PKP4: variants seen among roughly 807,000 people sequenced by gnomAD.
PKP4 encodes the protein plakophilin-4.
A neutral mutation model predicts 145.1 loss-of-function variants in PKP4; 90 were observed. The ratio of observed to expected loss-of-function variants is 0.62; its 90% confidence interval spans 0.52 to 0.74. The LOEUF is 0.74. PKP4 is among the 30% of genes least tolerant of loss of function. The pLI, the probability that PKP4 is intolerant of heterozygous loss-of-function variation, is 0.00. For missense variants in PKP4, 1,340 were observed against 1,482.7 expected (o/e 0.90, Z 1.58); for synonymous variants, 563 against 577.2 (o/e 0.98, Z 0.35).
chr2:158,622,305 C>CA (rs1191186911), intron 6 of PKP4, among the ~76,000 whole-genome samples: 4 of 151,962 alleles, frequency 2.6e-5, no homozygotes, highest in African/African-American at 7.3e-5. Flanking sequence ...AACTTGATAG[C>CA]AAAAAATATA....
In PKP4 at chr2:158,499,154, G is replaced by A. The variant is rs1696189532; in HGVS notation, c.-5-34026G>A. Among the ~76,000 whole-genome samples, 9 of 152,230 alleles carry A rather than the reference G, an allele frequency of 5.9e-5. No individual in the cohort carries two copies. The South Asian group carries it at 1.9e-3, about 32-fold the overall frequency. On this transcript the variant is annotated intron_variant, in intron 1 of 21. Transcript: ENST00000389759. Reference sequence around the variant, plus strand: ...CAATCTGAGCAGTTTATTATACTATGGTGGTAAGGGGAAAGGCTTGGTGAA... The same window carrying A: ...CAATCTGAGCAGTTTATTATACTATAGTGGTAAGGGGAAAGGCTTGGTGAA...
At chr2:158,619,290 A>T (rs895823514) in intron 4 of PKP4, among the ~76,000 whole-genome samples, 2 of 152,236 alleles carry the variant, frequency 1.3e-5, no homozygotes, top group African/African-American at 4.8e-5. Context: ...TCATGTTTCA[A>T]CGTGTACCAG....
intron 3 of PKP4, among the ~76,000 whole-genome samples, chr2:158,595,140 C>G (rs1220479718): frequency 6.6e-6 from 1 of 152,134 alleles, no homozygotes; most frequent in Non-Finnish European, 1.5e-5. Flanking sequence ...CAATCCTTAC[C>G]TGACTAAGAG....
chr2:158,583,903 A>G (rs2048554821), intron 3 of PKP4, among the ~76,000 whole-genome samples: 1 of 152,006 alleles, frequency 6.6e-6, no homozygotes, highest in Admixed American at 6.6e-5. Context: ...TCGAGGGCAG[A>G]CTTTCAATAG....
In PKP4 at chr2:158,464,785, A is replaced by G. The variant is rs188921385; in HGVS notation, c.-6+7567A>G. ...CTGTACCCTGAGTTGAGTGGGAAACAGGGACTGTTTGATGAATTAAAGGTA... is the reference window on the plus strand; with the variant it reads ...CTGTACCCTGAGTTGAGTGGGAAACGGGGACTGTTTGATGAATTAAAGGTA... On this transcript the variant is annotated intron_variant, in intron 1 of 21. Coordinates refer to ENST00000389759, the MANE Select transcript of PKP4 (RefSeq NM_003628.6). 3.6e-3 allele frequency among the ~76,000 whole-genome samples: 556 copies of G among 152,344 alleles called. 1 individual carries two copies. Among genetic ancestry groups the G allele is most frequent in the Non-Finnish European group, 6.2e-3 (420 of 68,018 alleles).
rs576880373 is a variant in PKP4 at position 158,556,295 on chromosome 2, G to A, written c.133-20976G>A. On this transcript the variant is annotated intron_variant, in intron 2 of 21. Coordinates refer to ENST00000389759, the MANE Select transcript of PKP4 (RefSeq NM_003628.6). ...GGCTTACAATTTAGTTTAACAGCTC[G>A]GTGTGTTGTAATCAAGAGTGTGAAG... Among the ~76,000 whole-genome samples, 23 of 152,182 alleles carry A rather than the reference G, an allele frequency of 1.5e-4. No individual in the cohort carries two copies. In the South Asian group the frequency reaches 3.3e-3, roughly 22 times the overall value.
intron 2 of PKP4, among the ~76,000 whole-genome samples, chr2:158,551,129 G>A (rs1272551774): frequency 6.6e-6 from 1 of 152,056 alleles, no homozygotes; most frequent in African/African-American, 2.4e-5. Flanking sequence ...TTTGCTTTTA[G>A]GCTTACGTGG....
chr2:158,476,827 G>A (rs1235744257), intron 1 of PKP4, among the ~76,000 whole-genome samples: 1 of 152,036 alleles, frequency 6.6e-6, no homozygotes, highest in Admixed American at 6.5e-5. Flanking sequence ...GCATTCACAG[G>A]TGACCACTGA....
intron 2 of PKP4, among the ~76,000 whole-genome samples, chr2:158,572,480 A>T (rs902724582): frequency 1.3e-5 from 2 of 152,244 alleles, no homozygotes; most frequent in Non-Finnish European, 2.9e-5. Context: ...TTTACCCTGA[A>T]GATATCTGGC....
At chr2:158,472,519 A>G (rs1209867264) in intron 1 of PKP4, among the ~76,000 whole-genome samples, 1 of 146,948 alleles carries the variant, frequency 6.8e-6, no homozygotes, top group Non-Finnish European at 1.5e-5. Flanking sequence ...AGGCTGAGGC[A>G]GGAGAATGGT....
intron 2 of PKP4, among the ~76,000 whole-genome samples, chr2:158,570,626 T>C (rs1439192841): frequency 1.3e-5 from 2 of 152,210 alleles, no homozygotes; most frequent in Admixed American, 1.3e-4. Context: ...AACTAAGTAC[T>C]TTCCTGCTGA....
At chr2:158,555,102 T>G (rs1242358595) in intron 2 of PKP4, among the ~76,000 whole-genome samples, 3 of 152,238 alleles carry the variant, frequency 2.0e-5, no homozygotes, top group Non-Finnish European at 4.4e-5. Context: ...CTCCAGGTAG[T>G]TGAGGAAGCT....
intron 4 of PKP4, among the ~76,000 whole-genome samples, chr2:158,607,202 C>T (rs1039072867): frequency 6.6e-6 from 1 of 152,168 alleles, no homozygotes; most frequent in Non-Finnish European, 1.5e-5. Flanking sequence ...CATATTGCCA[C>T]ATTAGTGTCA....
intron 1 of PKP4, among the ~76,000 whole-genome samples, chr2:158,485,763 A>G (rs953824237): frequency 1.3e-5 from 2 of 152,210 alleles, no homozygotes; most frequent in African/African-American, 2.4e-5. Context: ...AAAAAAGTGT[A>G]ACTTCATAAT....
At chr2:158,600,342 G>A (rs529836736) in intron 3 of PKP4, among the ~76,000 whole-genome samples, 4 of 152,272 alleles carry the variant, frequency 2.6e-5, no homozygotes, top group East Asian at 1.9e-4. Flanking sequence ...CTCCTAGAAC[G>A]CAAGCTGCTT....
chr2:158,535,796 C>A (rs1041680452), intron 2 of PKP4, among the ~76,000 whole-genome samples: 1 of 152,100 alleles, frequency 6.6e-6, no homozygotes, highest in African/African-American at 2.4e-5. Context: ...AATAACAGAA[C>A]TTGCTTAGTG....
chr2:158,621,288 A>T lies in PKP4; in HGVS notation c.470A>T (p.Tyr157Phe). 3 of 1,614,216 alleles carry T rather than the reference A, an allele frequency of 1.9e-6. No individual in the cohort carries two copies. Among genetic ancestry groups the T allele is most frequent in the Non-Finnish European group, 2.5e-6 (3 of 1,180,018 alleles). Residue 157 changes from tyrosine (Y) to phenylalanine (F), a missense_variant, in exon 6 of 22, where the codon TAC becomes TTC. Tyr to Phe is a conservative substitution (Grantham distance 22). Transcript: ENST00000389759. ...TQMNSYSDSG[Y>F]QEAGSFHNSQ... ...ATGAATTCTTATTCCGACAGTGGAT[A>T]CCAGGAAGCAGGGAGTTTCCACAAC...
chr2:158,518,602 A>G (rs576711133), intron 1 of PKP4, among the ~76,000 whole-genome samples: 8 of 152,296 alleles, frequency 5.3e-5, no homozygotes, highest in Non-Finnish European at 1.2e-4. Context: ...CAGTTTTCCT[A>G]AATCATTTGC....
At chr2:158,615,334 T>G (rs1316805335) in intron 4 of PKP4, among the ~76,000 whole-genome samples, 1 of 152,130 alleles carries the variant, frequency 6.6e-6, no homozygotes, top group African/African-American at 2.4e-5. Context: ...TCAGCTTTCC[T>G]AGATAGGAAG....
Sources: allele counts gnomAD v4.1 joint callset (sites outside exome capture counted in the v4.1 genomes callset), GRCh38; gene constraint gnomAD v4.1.1; transcripts MANE v1.5; gene names NCBI Gene and HGNC (gene_info 2026-07-23, HGNC 2026-07-21).